GOLGA7B: variants seen among roughly 807,000 people sequenced by gnomAD.
The protein encoded by GOLGA7B is golgin subfamily A member 7B.
Under a neutral mutation model 21.5 loss-of-function variants are expected in GOLGA7B, and 17 were observed. That is an observed-to-expected ratio of 0.79 (90% confidence interval 0.54 to 1.19). The LOEUF is 1.19. Among genes scored for constraint, GOLGA7B ranks in the 50% most tolerant of loss-of-function variants. GOLGA7B has a pLI of 0.00. For missense variants in GOLGA7B, 169 were observed against 224.4 expected, an observed-to-expected ratio of 0.75 and a Z score of 1.58; for synonymous variants, 87 against 84.0, an observed-to-expected ratio of 1.04 and a Z score of -0.19.
At chr10:97,853,232 C>T (rs2049914619) in intron 1 of GOLGA7B, among the ~76,000 whole-genome samples, 1 of 152,220 alleles carries the variant, frequency 6.6e-6, no homozygotes. Flanking sequence ...TCATGATCCT[C>T]ACTCCTCCTT....
chr10:97,865,421 T>G, intron 4 of GOLGA7B, 169 bp from the exon 5 acceptor site: 1 of 1,145,034 alleles, frequency 8.7e-7, no homozygotes, highest in Non-Finnish European at 1.2e-6. Flanking sequence ...CTAAGTAATG[T>G]GCATGGATGG....
chr10:97,864,095 G>A lies in GOLGA7B; in HGVS notation c.291+13G>A, dbSNP rs117280100. ...CCACTATGAGAAGGTGGCCCCTCCC[G>A]CCCCACCGTGCATCCCTTCCCTCAG... On this transcript the variant is annotated intron_variant, in intron 3 of 4. Coordinates refer to ENST00000370602, the MANE Select transcript of GOLGA7B (RefSeq NM_001010917.3). The A allele has an allele frequency of 5.8e-3, 9,320 of 1,613,682 alleles. 40 individuals carry two copies. The highest frequency in any genetic ancestry group is 0.011 in the Middle Eastern group (65 of 6,056).
rs991528544 is a variant in GOLGA7B at position 97,866,571 on chromosome 10, T to C, written c.*871T>C. ...TGTGTAAGTGCAGTGTGCGTAAATGTGTGAGTCTGCGTGTGTTAGCATGCC... is the reference window on the plus strand; with the variant it reads ...TGTGTAAGTGCAGTGTGCGTAAATGCGTGAGTCTGCGTGTGTTAGCATGCC... On this transcript the variant is annotated 3_prime_UTR_variant, in exon 5 of 5. Coordinates refer to ENST00000370602, the MANE Select transcript of GOLGA7B (RefSeq NM_001010917.3). 6.6e-6 allele frequency: 1 copy of C among 152,230 alleles called. No homozygotes were observed. Among genetic ancestry groups the C allele is most frequent in the Non-Finnish European group, 1.5e-5 (1 of 68,064 alleles). The allele number at this position is 152,230 out of a possible 1,614,324, so 9.4% of individuals were successfully genotyped here.
chr10:97,862,683 A>C (rs893973882), intron 2 of GOLGA7B, among the ~76,000 whole-genome samples: 1 of 152,110 alleles, frequency 6.6e-6, no homozygotes, highest in South Asian at 2.1e-4. Context: ...TCACATATAC[A>C]TGGACCCACA....
intron 2 of GOLGA7B, among the ~76,000 whole-genome samples, chr10:97,860,272 TACAA>T (rs1320040368): frequency 1.2e-4 from 19 of 152,234 alleles, no homozygotes; most frequent in Non-Finnish European, 2.4e-4. Flanking sequence ...TCTTATCTGT[TACAA>T]ACAATCCAGT....
At position 97,866,511 on chromosome 10, in the gene GOLGA7B, G is replaced by A. The variant is rs2050026744; in HGVS notation, c.*811G>A. The A allele has an allele frequency of 6.6e-6, 1 of 152,284 alleles. No homozygotes were observed. Among genetic ancestry groups the A allele is most frequent in the South Asian group, 2.1e-4 (1 of 4,830 alleles). 9.4% of individuals were successfully genotyped at this position (152,284 alleles called of 1,614,324 possible). A position where few individuals can be genotyped will look rare whatever the true frequency, so the allele number is the denominator to read the frequency against. The stretch of plus-strand genomic sequence containing the variant: ...AGTTTCCTGAGATTAGAACCTGTGT[G>A]TATGCACATGTGAATGTATGTGTGA... On this transcript the variant is annotated 3_prime_UTR_variant, in exon 5 of 5. Coordinates refer to ENST00000370602, the MANE Select transcript of GOLGA7B (RefSeq NM_001010917.3).
intron 4 of GOLGA7B, chr10:97,864,909 G>A (rs76567031): frequency 0.058 from 8,771 of 152,214 alleles, 315 homozygotes; most frequent in African/African-American, 0.1. Context: ...CCCTCCCCCC[G>A]GGCAGCAGCA....
At chr10:97,864,415 T>C in intron 4 of GOLGA7B, 146 bp downstream of exon 4, 1 of 631,370 alleles carries the variant, frequency 1.6e-6, no homozygotes, top group Non-Finnish European at 2.8e-6. Context: ...TCAGCCCTCC[T>C]CCACCACCCT....
At chr10:97,863,768 C>T (rs978732742) in intron 2 of GOLGA7B, among the ~76,000 whole-genome samples, 162 bp from the exon 3 acceptor site, 7 of 152,250 alleles carry the variant, frequency 4.6e-5, no homozygotes, top group Admixed American at 2.6e-4. Context: ...GACTCCCAGG[C>T]CAGTGCTCTT....
At chr10:97,862,878 C>T (rs1310459137) in intron 2 of GOLGA7B, among the ~76,000 whole-genome samples, 1 of 151,956 alleles carries the variant, frequency 6.6e-6, no homozygotes, top group African/African-American at 2.4e-5. Flanking sequence ...GGTGTCACGG[C>T]AGCCTGCAGG....
intron 2 of GOLGA7B, among the ~76,000 whole-genome samples, chr10:97,862,415 TA>T (rs747419824): frequency 7.6e-4 from 115 of 152,244 alleles, no homozygotes; most frequent in Non-Finnish European, 7.6e-4. Flanking sequence ...AGTCTTCTGT[TA>T]ATACAAACAG....
chr10:97,860,618 G>T (rs2049965424), intron 2 of GOLGA7B, among the ~76,000 whole-genome samples: 2 of 152,220 alleles, frequency 1.3e-5, no homozygotes, highest in African/African-American at 4.8e-5. Flanking sequence ...CTCCCAAAGT[G>T]CTGGGATTAC....
Position 97,864,090 on chromosome 10 carries a change from C to T in GOLGA7B, c.291+8C>T, listed in dbSNP as rs745639946. ...GAGACCCACTATGAGAAGGTGGCCC[C>T]TCCCGCCCCACCGTGCATCCCTTCC... On this transcript the variant is annotated splice_region_variant and intron_variant, in intron 3 of 4. Coordinates refer to ENST00000370602, the MANE Select transcript of GOLGA7B (RefSeq NM_001010917.3). 6 of 1,613,804 alleles carry T rather than the reference C, an allele frequency of 3.7e-6. No individual in the cohort carries two copies. In the African/African-American group the frequency reaches 4.0e-5, roughly 11 times the overall value.
chr10:97,855,372 C>T (rs1484244264), intron 1 of GOLGA7B, among the ~76,000 whole-genome samples: 2 of 152,340 alleles, frequency 1.3e-5, no homozygotes, highest in East Asian at 3.9e-4. Context: ...TGCCTGACGT[C>T]AAATTATACT....
Position 97,865,707 on chromosome 10 carries a change from G to A in GOLGA7B, c.*7G>A, listed in dbSNP as rs747574968. ...TGGGGCGGGGGCCCGGTGACTGGCC[G>A]AGAGTCCCTGTAGGGAGGTGTATGG... is the stretch of plus-strand genomic sequence containing the variant. On this transcript the variant is annotated 3_prime_UTR_variant, in exon 5 of 5. Coordinates refer to ENST00000370602, the MANE Select transcript of GOLGA7B (RefSeq NM_001010917.3). The A allele has an allele frequency of 8.1e-6, 13 of 1,601,804 alleles. No individual in the cohort carries two copies. The African/African-American group carries it at 1.1e-4, about 13-fold the overall frequency.
rs1342532269 is a variant in GOLGA7B, at chr10:97,863,952, AG to A, written c.162del (p.Thr55LeufsTer2). The A allele has an allele frequency of 6.2e-7, 1 of 1,613,636 alleles. No individual in the cohort carries two copies. Among genetic ancestry groups the A allele is most frequent in the Non-Finnish European group, 8.5e-7 (1 of 1,179,850 alleles). ...CAGATCGAGCGGCAGCTCTTTGAAG[AG>A]ACTGTGAAGACCCTCAACGGATTTT... ...DSRIERQLFEETVKTLNGFYA... is the reference protein window; with the variant it reads ...DSRIERQLFEXTVKTLNGFYA... On this transcript the variant is annotated frameshift_variant, in exon 3 of 5. Coordinates refer to ENST00000370602, the MANE Select transcript of GOLGA7B (RefSeq NM_001010917.3). LOFTEE classifies it high-confidence loss of function.
chr10:97,858,796 G>T (rs1407930793), intron 1 of GOLGA7B, among the ~76,000 whole-genome samples: 1 of 152,192 alleles, frequency 6.6e-6, no homozygotes, highest in Non-Finnish European at 1.5e-5. Flanking sequence ...AACTCGGCCT[G>T]GACCCCAGTC....
intron 1 of GOLGA7B, 49 bp downstream of exon 1, chr10:97,850,364 C>G: frequency 6.7e-7 from 1 of 1,482,846 alleles, no homozygotes; most frequent in Non-Finnish European, 9.0e-7. Context: ...GCCGCGGGAC[C>G]AAATGCCCTA....
chr10:97,851,888 T>C (rs2049907819), intron 1 of GOLGA7B, among the ~76,000 whole-genome samples: 1 of 152,250 alleles, frequency 6.6e-6, no homozygotes, highest in Non-Finnish European at 1.5e-5. Flanking sequence ...GACTCTCCCC[T>C]GGGAGGGGCT....
Sources: allele counts gnomAD v4.1 joint callset (sites outside exome capture counted in the v4.1 genomes callset), GRCh38; gene constraint gnomAD v4.1.1; transcripts MANE v1.5; gene names NCBI Gene and HGNC (gene_info 2026-07-23, HGNC 2026-07-21).